GPC6: variants seen among roughly 807,000 people sequenced by gnomAD.
GPC6 encodes glypican-6.
A neutral mutation model predicts 55.2 loss-of-function variants in GPC6; 14 were observed. The observed-to-expected ratio is 0.25, with a 90% confidence interval of 0.17 to 0.40. GPC6 has a LOEUF of 0.40. GPC6 is among the 10% of genes least tolerant of loss of function. The pLI is 1.00. For synonymous variants in GPC6, 278 were observed against 259.6 expected (o/e 1.07, Z -0.68); for missense variants, 641 against 708.5 (o/e 0.90, Z 1.08).
chr13:93,466,705 A>G (rs974544), intron 1 of GPC6, among the ~76,000 whole-genome samples: 27,749 of 152,162 alleles, frequency 0.18, 3,067 homozygotes, highest in East Asian at 0.48. Flanking sequence ...GCATTCTAGT[A>G]TATAATTTGG....
chr13:93,616,591 C>T (rs751095636), intron 2 of GPC6, among the ~76,000 whole-genome samples: 46 of 152,046 alleles, frequency 3.0e-4, no homozygotes, highest in African/African-American at 1.1e-3. Context: ...AAGAAAAACT[C>T]CTTCCTGTTA....
chr13:94,304,093 C>T lies in GPC6; in HGVS notation c.1009-1887C>T, dbSNP rs369807103. Among the ~76,000 whole-genome samples, 10 of 152,334 alleles carry T rather than the reference C, an allele frequency of 6.6e-5. No individual in the cohort carries two copies. In the East Asian group the frequency reaches 1.5e-3, roughly 23 times the overall value. ...AAATGTTAATGCCCTCCATCAGCAG[C>T]GACCTTGCCAGAGGGAAGTGATTTA... On this transcript the variant is annotated intron_variant, in intron 5 of 8. Transcript: ENST00000377047.
intron 3 of GPC6, among the ~76,000 whole-genome samples, chr13:93,882,520 G>T (rs1226632601): frequency 6.6e-6 from 1 of 151,860 alleles, no homozygotes; most frequent in Non-Finnish European, 1.5e-5. Context: ...TGTTAGATTT[G>T]TATGTTAGAC....
At chr13:93,562,393 T>C (rs759694057) in intron 2 of GPC6, among the ~76,000 whole-genome samples, 1 of 152,144 alleles carries the variant, frequency 6.6e-6, no homozygotes, top group Non-Finnish European at 1.5e-5. Context: ...GCCTTTGAAA[T>C]TGAAACAGGA....
chr13:93,513,339 C>A (rs1881056374), intron 1 of GPC6, among the ~76,000 whole-genome samples: 1 of 152,118 alleles, frequency 6.6e-6, no homozygotes, highest in African/African-American at 2.4e-5. Flanking sequence ...CTTTTGTTTT[C>A]TTTTCATTTT....
At chr13:94,239,961 T>C (rs982257173) in intron 4 of GPC6, among the ~76,000 whole-genome samples, 2 of 152,072 alleles carry the variant, frequency 1.3e-5, no homozygotes, top group Non-Finnish European at 2.9e-5. Flanking sequence ...GATGCTCACC[T>C]ACTTTAAAAC....
intron 2 of GPC6, among the ~76,000 whole-genome samples, chr13:93,641,465 G>A (rs914636461): frequency 2.0e-5 from 3 of 152,106 alleles, no homozygotes; most frequent in Non-Finnish European, 4.4e-5. Context: ...AACACACGAA[G>A]ATCTTTCTTT....
intron 2 of GPC6, among the ~76,000 whole-genome samples, chr13:93,626,094 T>C (rs1879189942): frequency 6.6e-6 from 1 of 152,190 alleles, no homozygotes; most frequent in Non-Finnish European, 1.5e-5. Context: ...TTTCATTTGC[T>C]ACAAACGCTA....
chr13:94,092,045 A>G, intron 4 of GPC6, among the ~76,000 whole-genome samples: 1 of 148,138 alleles, frequency 6.8e-6, no homozygotes, highest in Non-Finnish European at 1.5e-5. Flanking sequence ...AGATGCATAT[A>G]CAATGTGAAA....
At chr13:93,284,433 T>C (rs903219201) in intron 1 of GPC6, among the ~76,000 whole-genome samples, 6 of 152,216 alleles carry the variant, frequency 3.9e-5, no homozygotes, top group Admixed American at 3.9e-4. Context: ...TCAGGATTAA[T>C]GAACAGAAAT....
chr13:93,417,808 ATCT>A (rs1276339649), intron 1 of GPC6, among the ~76,000 whole-genome samples: 3 of 152,074 alleles, frequency 2.0e-5, no homozygotes, highest in Non-Finnish European at 4.4e-5. Flanking sequence ...ATGGATAAAA[ATCT>A]TCTATATTAT....
chr13:93,707,836 A>T (rs1234540855), intron 2 of GPC6, among the ~76,000 whole-genome samples: 1 of 151,810 alleles, frequency 6.6e-6, no homozygotes, highest in Non-Finnish European at 1.5e-5. Flanking sequence ...ATCACAGTTG[A>T]GTTATTCCAC....
intron 1 of GPC6, among the ~76,000 whole-genome samples, chr13:93,420,253 A>G (rs1876877976): frequency 6.6e-6 from 1 of 152,162 alleles, no homozygotes; most frequent in African/African-American, 2.4e-5. Context: ...CTTTATAAAT[A>G]TATGTATTCA....
intron 1 of GPC6, among the ~76,000 whole-genome samples, chr13:93,504,298 A>G (rs903070182): frequency 6.6e-5 from 10 of 152,108 alleles, no homozygotes; most frequent in Non-Finnish European, 1.3e-4. Flanking sequence ...ATAAGAATAT[A>G]GGATGCCTGA....
intron 1 of GPC6, among the ~76,000 whole-genome samples, chr13:93,256,677 T>C (rs1876964017): frequency 2.0e-5 from 3 of 152,162 alleles, no homozygotes; most frequent in Non-Finnish European, 2.9e-5. Flanking sequence ...TCCTGTATGT[T>C]CTCTGTTATG....
intron 1 of GPC6, among the ~76,000 whole-genome samples, chr13:93,365,429 A>G (rs75888838): frequency 0.026 from 3,966 of 152,152 alleles, 182 homozygotes; most frequent in African/African-American, 0.09. Flanking sequence ...TGCCTTAACA[A>G]CAGCTCCATA....
chr13:94,198,940 C>G (rs1399696955), intron 4 of GPC6, among the ~76,000 whole-genome samples: 1 of 152,156 alleles, frequency 6.6e-6, no homozygotes, highest in Non-Finnish European at 1.5e-5. Context: ...AATTCACCAC[C>G]ACCGACAGAC....
chr13:93,226,382 A>G (rs939532203), upstream of GPC6, among the ~76,000 whole-genome samples: 2 of 152,292 alleles, frequency 1.3e-5, no homozygotes, highest in Admixed American at 6.5e-5. Context: ...AAGAACTACC[A>G]GTCTGTAATG....
intron 3 of GPC6, among the ~76,000 whole-genome samples, chr13:93,834,424 G>A (rs1887655015): frequency 1.3e-5 from 2 of 152,130 alleles, no homozygotes; most frequent in Non-Finnish European, 2.9e-5. Context: ...AATATATGTA[G>A]TAAAACTCCA....
Sources: allele counts gnomAD v4.1 joint callset (sites outside exome capture counted in the v4.1 genomes callset), GRCh38; gene constraint gnomAD v4.1.1; transcripts MANE v1.5; gene names NCBI Gene and HGNC (gene_info 2026-07-23, HGNC 2026-07-21).